Variants in PARD3B observed in about 807,000 individuals in gnomAD.
PARD3B encodes partitioning defective 3 homolog B.
Under a neutral mutation model 130.2 loss-of-function variants are expected in PARD3B, and 103 were observed. The observed-to-expected ratio is 0.79, with a 90% CI of 0.67 to 0.93. The LOEUF is 0.93. Ranked by LOEUF, PARD3B falls within the 40% of genes least tolerant of loss-of-function variation. The pLI is 0.00. For missense variants in PARD3B, 1,609 were observed against 1,499.2 expected (o/e 1.07, Z -1.21); for synonymous variants, 583 against 553.2 (o/e 1.05, Z -0.76).
intron 2 of PARD3B, among the ~76,000 whole-genome samples, chr2:204,811,614 G>A (rs1281142292): frequency 6.6e-6 from 1 of 152,142 alleles, no homozygotes; most frequent in Non-Finnish European, 1.5e-5. Context: ...GAAGAATGGG[G>A]TGGGACAACA....
At chr2:204,811,104 G>A (rs1293811821) in intron 2 of PARD3B, among the ~76,000 whole-genome samples, 2 of 152,114 alleles carry the variant, frequency 1.3e-5, no homozygotes, top group African/African-American at 2.4e-5. Context: ...GCATGGAGTT[G>A]TTTCTGGTGG....
intron 3 of PARD3B, among the ~76,000 whole-genome samples, chr2:205,034,079 C>CA (rs1697622974): frequency 6.6e-6 from 1 of 152,138 alleles, no homozygotes; most frequent in African/African-American, 2.4e-5. Context: ...ACAAACCAGA[C>CA]AGTAGCAACT....
Position 205,043,085 on chromosome 2 carries a change from A to G in PARD3B, c.395-4496A>G, listed in dbSNP as rs554334971. Among the ~76,000 whole-genome samples the G allele has an allele frequency of 2.0e-5, 3 of 152,238 alleles. No individual in the cohort carries two copies. The South Asian group carries it at 6.2e-4, about 32-fold the overall frequency. ...ATTAGCTGAAAAAAAACTAATGAAT[A>G]GCAAAATTTTCCCATTTTTGAACTC... is the stretch of plus-strand genomic sequence containing the variant. On this transcript the variant is annotated intron_variant, in intron 3 of 22. Coordinates refer to ENST00000406610, the MANE Select transcript of PARD3B (RefSeq NM_001302769.2).
chr2:205,066,909 A>C (rs1700416738), intron 4 of PARD3B, among the ~76,000 whole-genome samples: 1 of 151,946 alleles, frequency 6.6e-6, no homozygotes, highest in Non-Finnish European at 1.5e-5. Flanking sequence ...GATGAGTTGA[A>C]ACTGACTTGG....
intron 2 of PARD3B, among the ~76,000 whole-genome samples, chr2:204,924,789 C>T (rs1234574835): frequency 1.3e-5 from 2 of 151,958 alleles, no homozygotes; most frequent in Non-Finnish European, 2.9e-5. Flanking sequence ...AAATGCAATG[C>T]AAGTGATATA....
intron 3 of PARD3B, among the ~76,000 whole-genome samples, chr2:205,019,031 G>A (rs1215219144): frequency 6.6e-6 from 1 of 152,024 alleles, no homozygotes; most frequent in Non-Finnish European, 1.5e-5. Flanking sequence ...ACAATTAATT[G>A]GTTTTTAGCA....
intron 4 of PARD3B, among the ~76,000 whole-genome samples, chr2:205,094,192 T>C (rs1702271497): frequency 6.6e-6 from 1 of 152,180 alleles, no homozygotes; most frequent in African/African-American, 2.4e-5. Context: ...AGCTGTGAAA[T>C]TGTTTTTTGA....
intron 3 of PARD3B, among the ~76,000 whole-genome samples, chr2:205,030,505 G>T (rs1478099107): frequency 6.6e-6 from 1 of 152,056 alleles, no homozygotes; most frequent in African/African-American, 2.4e-5. Flanking sequence ...ATGAAACTGT[G>T]GGCCCACTGA....
chr2:204,627,737 G>T (rs1471405296), intron 1 of PARD3B, among the ~76,000 whole-genome samples: 2 of 151,972 alleles, frequency 1.3e-5, no homozygotes, highest in African/African-American at 4.8e-5. Flanking sequence ...GCTAATGATG[G>T]GAACCTGGAA....
intron 15 of PARD3B, among the ~76,000 whole-genome samples, chr2:205,228,423 C>T (rs2125888176): frequency 6.6e-6 from 1 of 151,844 alleles, no homozygotes; most frequent in African/African-American, 2.4e-5. Context: ...TTAAATATAT[C>T]CTGTCACTCT....
At chr2:205,598,444 C>T (rs541148917) in intron 22 of PARD3B, among the ~76,000 whole-genome samples, 1 of 151,694 alleles carries the variant, frequency 6.6e-6, no homozygotes, top group South Asian at 2.1e-4. Flanking sequence ...ATACTCCCAA[C>T]ATTGGAGCAC....
At chr2:205,133,580 G>A (rs1156827460) in intron 10 of PARD3B, among the ~76,000 whole-genome samples, 6 of 152,184 alleles carry the variant, frequency 3.9e-5, no homozygotes, top group Non-Finnish European at 5.9e-5. Flanking sequence ...TAACTTAGTG[G>A]CTATTGCTGA....
chr2:205,573,070 A>T (rs993390107), intron 22 of PARD3B, among the ~76,000 whole-genome samples: 1 of 152,196 alleles, frequency 6.6e-6, no homozygotes, highest in Non-Finnish European at 1.5e-5. Flanking sequence ...TAAAACCATC[A>T]GATCTCATGA....
intron 14 of PARD3B, among the ~76,000 whole-genome samples, chr2:205,188,094 C>T (rs1344265336): frequency 6.6e-6 from 1 of 152,200 alleles, no homozygotes; most frequent in East Asian, 1.9e-4. Flanking sequence ...ATGCAGCCAG[C>T]TAAGCATTAG....
chr2:205,210,790 G>T (rs1267031898), intron 15 of PARD3B, among the ~76,000 whole-genome samples: 1 of 151,880 alleles, frequency 6.6e-6, no homozygotes, highest in African/African-American at 2.4e-5. Flanking sequence ...AATCACTTCT[G>T]TGGTTAAACC....
chr2:205,209,206 T>C (rs537744413), intron 15 of PARD3B, among the ~76,000 whole-genome samples: 15 of 145,016 alleles, frequency 1.0e-4, no homozygotes, highest in South Asian at 2.3e-4. Flanking sequence ...TTACACCTTA[T>C]ACAAAAATCA....
At chr2:204,796,226 A>G (rs2042370987) in intron 2 of PARD3B, among the ~76,000 whole-genome samples, 1 of 152,210 alleles carries the variant, frequency 6.6e-6, no homozygotes. Flanking sequence ...TGGTCTTGCA[A>G]TATGATCAAA....
chr2:205,071,983 T>C (rs1418178321), intron 4 of PARD3B, among the ~76,000 whole-genome samples: 1 of 128,814 alleles, frequency 7.8e-6, no homozygotes, highest in Non-Finnish European at 1.8e-5. Context: ...TTCTGTGAAT[T>C]AGCTTTTTTT....
chr2:205,238,732 T>G (rs1268146195), intron 15 of PARD3B, among the ~76,000 whole-genome samples: 1 of 147,794 alleles, frequency 6.8e-6, no homozygotes, highest in Non-Finnish European at 1.5e-5. Context: ...CTTGGGAGGC[T>G]GAGGCAGGAG....
Sources: gnomAD v4.1 joint callset for allele counts (sites outside exome capture counted in the v4.1 genomes callset) on GRCh38, gnomAD v4.1.1 for gene constraint, MANE v1.5 for transcripts, NCBI Gene and HGNC (gene_info 2026-07-23, HGNC 2026-07-21) for gene names.